Variants in SHISA9 observed in about 807,000 individuals in gnomAD.
SHISA9 encodes the protein shisa family member 9.
A neutral mutation model predicts 38.0 loss-of-function variants in SHISA9; 13 were observed. The ratio of observed to expected loss-of-function variants is 0.34; its 90% CI spans 0.22 to 0.54. The LOEUF is 0.54. Among genes scored for constraint, SHISA9 ranks in the 20% least tolerant of loss-of-function variants. SHISA9 has a pLI of 0.91. For missense variants in SHISA9, 538 were observed against 575.8 expected (o/e 0.93, Z 0.67); for synonymous variants, 275 against 242.0 (o/e 1.14, Z -1.27).
intron 2 of SHISA9, among the ~76,000 whole-genome samples, chr16:13,056,128 T>C (rs2073306677): frequency 6.6e-6 from 1 of 152,200 alleles, no homozygotes; most frequent in South Asian, 2.1e-4. Context: ...TGGGAAATAT[T>C]GGCTGAATTA....
At chr16:13,221,483 CTT>C (rs1209010483) in intron 4 of SHISA9, among the ~76,000 whole-genome samples, 2 of 142,712 alleles carry the variant, frequency 1.4e-5, no homozygotes, top group Non-Finnish European at 1.5e-5. Context: ...TTCCCTATCA[CTT>C]TTTAATTCAG....
chr16:13,491,814 T>C, the SHISA9 span, among the ~76,000 whole-genome samples: 1 of 97,460 alleles, frequency 1.0e-5, no homozygotes, highest in South Asian at 3.6e-4. Context: ...ATTTATTTAT[T>C]GACCTTTTTT....
chr16:13,324,514 T>C, the SHISA9 span, among the ~76,000 whole-genome samples: 4 of 152,312 alleles, frequency 2.6e-5, no homozygotes, highest in Admixed American at 1.3e-4. Flanking sequence ...TCACTTGCTA[T>C]GTAATATTAG....
intron 2 of SHISA9, among the ~76,000 whole-genome samples, chr16:13,081,364 T>G (rs1180001015): frequency 6.6e-6 from 1 of 152,180 alleles, no homozygotes; most frequent in Non-Finnish European, 1.5e-5. Flanking sequence ...TTTATAGCAC[T>G]CTTTATCATG....
chr16:13,123,537 A>G (rs1289119904), intron 2 of SHISA9, among the ~76,000 whole-genome samples: 1 of 152,252 alleles, frequency 6.6e-6, no homozygotes, highest in Non-Finnish European at 1.5e-5. Flanking sequence ...AAGAAGTGCT[A>G]TACTGAATGG....
the SHISA9 span, among the ~76,000 whole-genome samples, chr16:13,465,506 G>A: frequency 6.6e-6 from 1 of 152,172 alleles, no homozygotes; most frequent in Non-Finnish European, 1.5e-5. Context: ...ATACCCATAA[G>A]GGCATGAGAA....
chr16:13,284,421 G>A, the SHISA9 span, among the ~76,000 whole-genome samples: 390 of 152,226 alleles, frequency 2.6e-3, 1 homozygote, highest in African/African-American at 9.0e-3. Context: ...AATTCAGATA[G>A]TATCTTTAGA....
chr16:12,941,446 C>T (rs919823155), intron 2 of SHISA9, among the ~76,000 whole-genome samples: 2 of 152,182 alleles, frequency 1.3e-5, no homozygotes, highest in Non-Finnish European at 2.9e-5. Flanking sequence ...CAGTTTGATA[C>T]AGGCATGCAA....
the SHISA9 span, among the ~76,000 whole-genome samples, chr16:13,437,924 G>GTTTCTTTTTTTTTTTTTTT: frequency 1.4e-5 from 2 of 146,956 alleles, no homozygotes; most frequent in Non-Finnish European, 1.5e-5. Context: ...GGAGTGCAGT[G>GTTTCTTTTTTTTTTTTTTT]ACGTGATCTC....
At chr16:13,514,961 A>C in the SHISA9 span, among the ~76,000 whole-genome samples, 1 of 152,214 alleles carries the variant, frequency 6.6e-6, no homozygotes, top group Non-Finnish European at 1.5e-5. Flanking sequence ...AAATCTGATG[A>C]TCAGGTATGG....
intron 2 of SHISA9, among the ~76,000 whole-genome samples, chr16:13,004,943 G>GAAAAAAAAAAAAAAAAAAAAAAAAAAAA (rs59694628): frequency 1.9e-5 from 2 of 103,754 alleles, no homozygotes; most frequent in Non-Finnish European, 3.9e-5. Context: ...TTAAGAAAAA[G>GAAAAAAAAAAAAAAAAAAAAAAAAAAAA]AAAAAAAAAA....
chr16:12,920,012 C>G (rs1457749805), intron 2 of SHISA9, among the ~76,000 whole-genome samples: 2 of 152,188 alleles, frequency 1.3e-5, no homozygotes, highest in Admixed American at 1.3e-4. Flanking sequence ...CAGTGACACC[C>G]CTCTCCCCCT....
the SHISA9 span, among the ~76,000 whole-genome samples, chr16:13,328,766 C>T: frequency 2.0e-5 from 3 of 152,112 alleles, no homozygotes; most frequent in Non-Finnish European, 2.9e-5. Flanking sequence ...AGCCACCATA[C>T]CCAGCCTAGC....
chr16:13,295,625 CG>C, the SHISA9 span, among the ~76,000 whole-genome samples: 1 of 152,042 alleles, frequency 6.6e-6, no homozygotes, highest in African/African-American at 2.4e-5. Flanking sequence ...CTTTTCACCT[CG>C]GGGGGTTCAA....
rs866082042 is a variant in SHISA9, at chr16:13,008,636, T to A, written c.691+91821T>A. On this transcript the variant is annotated intron_variant, in intron 2 of 4. Coordinates refer to ENST00000558583, the MANE Select transcript of SHISA9 (RefSeq NM_001145204.3). ...TCTCTCTCCTTCTCTCCCTCTCTCC[T>A]CCCTCCCTCCCTCCCTCCCTCCCTC... Among the ~76,000 whole-genome samples the A allele has an allele frequency of 7.8e-3, 337 of 43,346 alleles. 5 individuals carry two copies. The highest frequency in any genetic ancestry group is 0.034 in the African/African-American group (328 of 9,670). 28.4% of individuals were successfully genotyped at this position (43,346 alleles called of 152,430 possible).
In SHISA9 at chr16:13,221,438, CTTTT is replaced by C. The variant is rs72459669; in HGVS notation, c.895+8154_895+8157del. Among the ~76,000 whole-genome samples, 106 of 134,972 alleles carry C rather than the reference CTTTT, an allele frequency of 7.9e-4. No homozygotes were observed. The East Asian group carries it at 0.012, about 16-fold the overall frequency. 88.5% of individuals were successfully genotyped at this position (134,972 alleles called of 152,430 possible). A position where few individuals can be genotyped will look rare whatever the true frequency, so the allele number is the denominator to read the frequency against. On this transcript the variant is annotated intron_variant, in intron 4 of 4. Transcript: ENST00000558583. ...TCAAAAGAAGAGAGAAATACCTGGA[CTTTT>C]TTTTTTTTTTTTTTTAACAACATGA...
chr16:13,416,964 A>T, the SHISA9 span, among the ~76,000 whole-genome samples: 1 of 152,032 alleles, frequency 6.6e-6, no homozygotes, highest in Non-Finnish European at 1.5e-5. Context: ...AAATTTCTTA[A>T]AATTACCTCT....
chr16:13,299,557 T>A, the SHISA9 span, among the ~76,000 whole-genome samples: 3 of 151,908 alleles, frequency 2.0e-5, no homozygotes, highest in Non-Finnish European at 4.4e-5. Flanking sequence ...GTACTAAAAA[T>A]ACAAAAATTA....
chr16:13,530,402 T>C, the SHISA9 span, among the ~76,000 whole-genome samples: 3 of 152,194 alleles, frequency 2.0e-5, no homozygotes, highest in African/African-American at 7.2e-5. Flanking sequence ...ATATGTAAGA[T>C]TGAGATGATT....
Sources: allele counts gnomAD v4.1 joint callset (sites outside exome capture counted in the v4.1 genomes callset), GRCh38; gene constraint gnomAD v4.1.1; transcripts MANE v1.5; gene names NCBI Gene and HGNC (gene_info 2026-07-23, HGNC 2026-07-21).